GRIP1: variants seen among roughly 807,000 people sequenced by gnomAD.
GRIP1 encodes glutamate receptor-interacting protein 1.
A neutral mutation model predicts 129.9 loss-of-function variants in GRIP1; 45 were observed. The ratio of observed to expected loss-of-function variants is 0.35; its 90% CI spans 0.27 to 0.44. GRIP1 has a LOEUF of 0.44. Ranked by LOEUF, GRIP1 falls within the 20% of genes least tolerant of loss-of-function variation. GRIP1 has a pLI of 1.00. For synonymous variants in GRIP1, 530 were observed against 520.8 expected, an observed-to-expected ratio of 1.02 and a Z score of -0.24; for missense variants, 1,196 against 1,396.8, an observed-to-expected ratio of 0.86 and a Z score of 2.29.
At chr12:66,904,628 C>T (rs1313669187) in intron 1 of GRIP1, among the ~76,000 whole-genome samples, 2 of 152,180 alleles carry the variant, frequency 1.3e-5, no homozygotes, top group African/African-American at 4.8e-5. Context: ...AGCAGTGGCT[C>T]ACGCCTGCAA....
intron 1 of GRIP1, 68 bp from the exon 2 acceptor site, chr12:66,596,995 G>T: frequency 9.7e-7 from 1 of 1,034,874 alleles, no homozygotes; most frequent in Non-Finnish European, 1.5e-6. Context: ...GATTTTTAAC[G>T]GATTGCAATC....
chr12:66,997,155 T>C (rs778818469), intron 1 of GRIP1, among the ~76,000 whole-genome samples: 3 of 152,106 alleles, frequency 2.0e-5, no homozygotes, highest in Non-Finnish European at 4.4e-5. Flanking sequence ...AAGAGTGACA[T>C]TTCTCTAAGA....
chr12:66,480,905 T>C (rs1480780566), intron 7 of GRIP1, among the ~76,000 whole-genome samples: 3 of 152,102 alleles, frequency 2.0e-5, no homozygotes, highest in African/African-American at 4.8e-5. Flanking sequence ...TATACAAAAA[T>C]TAACTCAAGA....
chr12:66,723,014 C>G (rs2036106449), intron 1 of GRIP1, among the ~76,000 whole-genome samples: 1 of 151,552 alleles, frequency 6.6e-6, no homozygotes, highest in Admixed American at 6.6e-5. Flanking sequence ...AACTCTACAT[C>G]AGTGGATCCA....
intron 1 of GRIP1, among the ~76,000 whole-genome samples, chr12:66,662,090 A>C: frequency 6.6e-6 from 1 of 152,160 alleles, no homozygotes; most frequent in East Asian, 1.9e-4. Flanking sequence ...CAACCTTGGA[A>C]GAATTAAGAA....
chr12:66,426,207 G>C (rs761428550), intron 14 of GRIP1, among the ~76,000 whole-genome samples: 4 of 152,020 alleles, frequency 2.6e-5, no homozygotes, highest in Admixed American at 6.6e-5. Context: ...TTAATTCTAA[G>C]ACATTTATAC....
upstream of GRIP1, among the ~76,000 whole-genome samples, chr12:66,806,797 CTATTT>C (rs2039001947): frequency 7.0e-6 from 1 of 142,546 alleles, no homozygotes; most frequent in African/African-American, 2.6e-5. Flanking sequence ...ACATAAGCAC[CTATTT>C]TTTTTTTTTT....
intron 1 of GRIP1, among the ~76,000 whole-genome samples, chr12:66,973,655 C>T (rs1361666241): frequency 6.6e-6 from 1 of 152,050 alleles, no homozygotes; most frequent in Non-Finnish European, 1.5e-5. Context: ...TCTGTTACCT[C>T]AAATGGTAAT....
chr12:66,592,921 T>C (rs947862447), intron 2 of GRIP1, among the ~76,000 whole-genome samples: 1 of 152,222 alleles, frequency 6.6e-6, no homozygotes, highest in African/African-American at 2.4e-5. Context: ...TAGTTCTGAA[T>C]ACCTTTGTCC....
chr12:67,043,794 T>C (rs1229549323), intron 1 of GRIP1, among the ~76,000 whole-genome samples: 1 of 152,196 alleles, frequency 6.6e-6, no homozygotes, highest in Non-Finnish European at 1.5e-5. Context: ...ATTACTAACA[T>C]GTTACTCAAT....
intron 1 of GRIP1, among the ~76,000 whole-genome samples, chr12:66,772,689 C>T (rs1473944430): frequency 1.3e-5 from 2 of 152,162 alleles, no homozygotes; most frequent in Non-Finnish European, 2.9e-5. Flanking sequence ...AACATCTAGG[C>T]TTGTGCGGAA....
intron 1 of GRIP1, among the ~76,000 whole-genome samples, chr12:66,729,582 AT>A (rs950388172): frequency 2.0e-5 from 3 of 151,120 alleles, no homozygotes; most frequent in African/African-American, 4.9e-5. Flanking sequence ...CAGGATACAT[AT>A]TTTTTTTTGA....
chr12:66,806,940 C>A (rs2039005647), upstream of GRIP1, among the ~76,000 whole-genome samples: 2 of 151,816 alleles, frequency 1.3e-5, no homozygotes, highest in South Asian at 4.2e-4. Context: ...AGGCATACAG[C>A]AGAAGGTGTA....
At chr12:66,445,278 G>C in intron 12 of GRIP1, 44 bp downstream of exon 12, 2 of 1,510,908 alleles carry the variant, frequency 1.3e-6, no homozygotes, top group Middle Eastern at 1.7e-4. Context: ...GCAGGTACCA[G>C]AAACGCAGAG....
intron 7 of GRIP1, among the ~76,000 whole-genome samples, chr12:66,467,293 G>A (rs2059312800): frequency 6.6e-6 from 1 of 152,156 alleles, no homozygotes. Flanking sequence ...TAACTATGGT[G>A]GATGCTACTC....
At chr12:66,832,548 C>T (rs1566043451) in intron 1 of GRIP1, among the ~76,000 whole-genome samples, 2 of 152,222 alleles carry the variant, frequency 1.3e-5, no homozygotes, top group East Asian at 3.9e-4. Context: ...TTTAGAACTG[C>T]ACAACTTAGT....
At chr12:66,797,932 A>G (rs1269714130) in intron 1 of GRIP1, among the ~76,000 whole-genome samples, 6 of 152,174 alleles carry the variant, frequency 3.9e-5, no homozygotes, top group Non-Finnish European at 4.4e-5. Flanking sequence ...ACAAATCACT[A>G]AAGACTAAAA....
chr12:66,853,259 C>T (rs1365743700), intron 1 of GRIP1, among the ~76,000 whole-genome samples: 3 of 151,812 alleles, frequency 2.0e-5, no homozygotes, highest in Non-Finnish European at 4.4e-5. Context: ...TCCTTAAATA[C>T]TCCCAAATCT....
At chr12:66,758,012 T>C (rs971717567) in intron 1 of GRIP1, among the ~76,000 whole-genome samples, 1 of 152,194 alleles carries the variant, frequency 6.6e-6, no homozygotes, top group Non-Finnish European at 1.5e-5. Context: ...AGATCCCATA[T>C]ATTTTACTAT....
Sources: gnomAD v4.1 joint callset for allele counts (sites outside exome capture counted in the v4.1 genomes callset) on GRCh38, gnomAD v4.1.1 for gene constraint, MANE v1.5 for transcripts, NCBI Gene and HGNC (gene_info 2026-07-23, HGNC 2026-07-21) for gene names.